Variants in EPM2A observed in about 807,000 individuals in gnomAD.
EPM2A encodes laforin.
In EPM2A, 21 loss-of-function variants were observed where a neutral mutation model predicts 26.5. The ratio of observed to expected loss-of-function variants is 0.79; its 90% confidence interval spans 0.56 to 1.14. The LOEUF is 1.14. EPM2A is among the 50% of genes most tolerant of loss of function. The probability of loss-of-function intolerance (pLI) is 0.00; values close to 1 mark genes in which losing one functional copy is unlikely to be tolerated. For missense variants in EPM2A, 458 were observed against 440.8 expected (o/e 1.04, Z -0.35); for synonymous variants, 217 against 177.6 (o/e 1.22, Z -1.76).
intron 2 of EPM2A, among the ~76,000 whole-genome samples, chr6:145,568,430 C>T (rs572270753): frequency 2.1e-4 from 32 of 151,956 alleles, no homozygotes; most frequent in African/African-American, 3.1e-4. Context: ...AGCGATTCTC[C>T]TCCCTCAGCC....
At position 145,393,179 on chromosome 6, in the gene EPM2A, C is replaced by T. The variant is rs144515032; in HGVS notation, c.556-9082G>A. On this transcript the variant is annotated intron_variant, in intron 4 of 4. Transcript: ENST00000638717. ...CTAAAAGGCCTCATGAATTGGCTTT[C>T]GTGTTCAACTACCTCTCAAAAACAA... 2.1e-4 allele frequency among the ~76,000 whole-genome samples: 32 copies of T among 152,120 alleles called. No individual in the cohort carries two copies. The East Asian group carries it at 5.0e-3, about 24-fold the overall frequency.
At chr6:145,680,961 C>T (rs702311) in intron 2 of EPM2A, among the ~76,000 whole-genome samples, 79,535 of 147,726 alleles carry the variant, frequency 0.54, 21,631 homozygotes, top group East Asian at 0.73. Flanking sequence ...CCTGAGGAAT[C>T]GCCACACTGA....
At chr6:145,684,075 T>G (rs750863829) in intron 2 of EPM2A, among the ~76,000 whole-genome samples, 12 of 151,822 alleles carry the variant, frequency 7.9e-5, no homozygotes, top group Non-Finnish European at 1.6e-4. Context: ...TACTCATTCA[T>G]AAACAAGAAC....
At chr6:145,609,932 T>G (rs2128551822) in intron 2 of EPM2A, among the ~76,000 whole-genome samples, 2 of 152,234 alleles carry the variant, frequency 1.3e-5, no homozygotes, top group Middle Eastern at 6.8e-3. Context: ...AAAAACATTT[T>G]TGGGCCAGGC....
intron 2 of EPM2A, among the ~76,000 whole-genome samples, chr6:145,603,533 G>C (rs974493880): frequency 2.6e-5 from 4 of 152,052 alleles, no homozygotes; most frequent in Non-Finnish European, 5.9e-5. Context: ...TTTAGTTACT[G>C]GTACTTATCT....
At position 145,592,047 on chromosome 6, in the gene EPM2A, C is replaced by A. The variant is rs1007588938; in HGVS notation, c.340+43198G>T. ...AAATTATACTTTAAGTTGTAGGGTA[C>A]ATGTGCACAAAGTGCAGGTTTGTTA... On this transcript the variant is annotated intron_variant, in intron 2 of 3. Transcript: ENST00000450221. Among the ~76,000 whole-genome samples, 15 of 152,072 alleles carry A rather than the reference C, an allele frequency of 9.9e-5. 1 individual carries two copies. Among genetic ancestry groups the A allele is most frequent in the African/African-American group, 3.6e-4 (15 of 41,480 alleles).
At chr6:145,404,907 A>T (rs1778545990) in intron 4 of EPM2A, among the ~76,000 whole-genome samples, 1 of 152,170 alleles carries the variant, frequency 6.6e-6, no homozygotes, top group Non-Finnish European at 1.5e-5. Flanking sequence ...TGATTTTGAA[A>T]TATAAGCAAA....
At chr6:145,714,771 A>G (rs903566305) in intron 1 of EPM2A, among the ~76,000 whole-genome samples, 1 of 152,190 alleles carries the variant, frequency 6.6e-6, no homozygotes, top group Non-Finnish European at 1.5e-5. Context: ...AAGCCATCAG[A>G]TCTCATGAGA....
intron 2 of EPM2A, among the ~76,000 whole-genome samples, chr6:145,526,536 C>T (rs904098335): frequency 2.0e-5 from 3 of 151,864 alleles, no homozygotes; most frequent in Non-Finnish European, 2.9e-5. Context: ...GTGTCTGTTT[C>T]TGGGAATTTG....
chr6:145,502,902 T>C (rs1779913142), intron 2 of EPM2A, among the ~76,000 whole-genome samples: 1 of 152,234 alleles, frequency 6.6e-6, no homozygotes, highest in Non-Finnish European at 1.5e-5. Flanking sequence ...AGATTCATAA[T>C]ATTCATGATG....
intron 4 of EPM2A, among the ~76,000 whole-genome samples, chr6:145,412,942 G>A (rs527642421): frequency 1.7e-3 from 262 of 152,198 alleles, no homozygotes; most frequent in Middle Eastern, 6.8e-3. Flanking sequence ...AATTTTTTGA[G>A]CCCTACCTCC....
chr6:145,396,242 G>A (rs998176940), intron 4 of EPM2A, among the ~76,000 whole-genome samples: 1 of 152,084 alleles, frequency 6.6e-6, no homozygotes, highest in Admixed American at 6.6e-5. Flanking sequence ...TCCTTCCCCA[G>A]TTATGGCTGC....
At chr6:145,674,850 G>C (rs1583026280) in intron 2 of EPM2A, among the ~76,000 whole-genome samples, 1 of 151,976 alleles carries the variant, frequency 6.6e-6, no homozygotes, top group African/African-American at 2.4e-5. Context: ...AACCAAGTTG[G>C]AAAACACTCT....
chr6:145,437,249 G>A (rs1325039783), intron 4 of EPM2A, among the ~76,000 whole-genome samples: 1 of 151,806 alleles, frequency 6.6e-6, no homozygotes, highest in Admixed American at 6.6e-5. Flanking sequence ...ATGTGAAGAA[G>A]GTGCTTACTT....
intron 4 of EPM2A, among the ~76,000 whole-genome samples, chr6:145,456,108 G>A (rs2114712640): frequency 6.6e-6 from 1 of 152,190 alleles, no homozygotes; most frequent in African/African-American, 2.4e-5. Flanking sequence ...AGAAGAAGGG[G>A]GATGCATGGT....
chr6:145,459,703 C>A (rs1779304588), intron 4 of EPM2A, among the ~76,000 whole-genome samples: 1 of 47,672 alleles, frequency 2.1e-5, no homozygotes, highest in Admixed American at 2.7e-4. Flanking sequence ...TTTTAGCATA[C>A]TATACTATAC....
At chr6:145,471,691 AG>A (rs1779475806) in intron 4 of EPM2A, among the ~76,000 whole-genome samples, 2 of 152,150 alleles carry the variant, frequency 1.3e-5, no homozygotes, top group Non-Finnish European at 2.9e-5. Context: ...CCACCCATAC[AG>A]GGAGAATTTA....
intron 4 of EPM2A, among the ~76,000 whole-genome samples, chr6:145,422,453 G>A (rs1778802130): frequency 7.4e-6 from 1 of 134,460 alleles, no homozygotes; most frequent in Admixed American, 8.2e-5. Context: ...TTACAGATAT[G>A]TCATATACTT....
At chr6:145,669,258 A>C (rs1779472950) in intron 2 of EPM2A, among the ~76,000 whole-genome samples, 1 of 152,214 alleles carries the variant, frequency 6.6e-6, no homozygotes, top group Admixed American at 6.5e-5. Context: ...GAAAAGTTAT[A>C]ATAGGGCCTT....
Sources: allele counts gnomAD v4.1 joint callset (sites outside exome capture counted in the v4.1 genomes callset), GRCh38; gene constraint gnomAD v4.1.1; transcripts MANE v1.5; gene names NCBI Gene and HGNC (gene_info 2026-07-23, HGNC 2026-07-21).